Variants in PPFIA2 observed in about 807,000 individuals in gnomAD.
PPFIA2 encodes liprin-alpha-2.
PPFIA2 carries 46 observed loss-of-function variants against 175.5 expected under a neutral mutation model. That is an observed-to-expected ratio of 0.26 (90% CI 0.21 to 0.34). The LOEUF (loss-of-function observed/expected upper bound fraction) is 0.34, where lower values mean the gene tolerates loss of function less well. Ranked by LOEUF, PPFIA2 falls within the 10% of genes least tolerant of loss-of-function variation. The probability of loss-of-function intolerance (pLI) is 1.00; values close to 1 mark genes in which losing one functional copy is unlikely to be tolerated. For synonymous variants in PPFIA2, 568 were observed against 511.4 expected (o/e 1.11, Z -1.49); for missense variants, 1,179 against 1,506.1 (o/e 0.78, Z 3.60).
At chr12:81,731,840 T>C (rs758019223) in intron 3 of PPFIA2, among the ~76,000 whole-genome samples, 1 of 151,636 alleles carries the variant, frequency 6.6e-6, no homozygotes, top group Non-Finnish European at 1.5e-5. Context: ...TTGTTATATA[T>C]GTAAAGTCCT....
intron 4 of PPFIA2, among the ~76,000 whole-genome samples, chr12:81,528,586 G>C (rs2064040440): frequency 6.6e-6 from 1 of 151,964 alleles, no homozygotes; most frequent in African/African-American, 2.4e-5. Flanking sequence ...CTTTATAATT[G>C]TCTATGACCA....
intron 8 of PPFIA2, among the ~76,000 whole-genome samples, chr12:81,391,575 A>G (rs2040129391): frequency 2.0e-5 from 3 of 151,960 alleles, no homozygotes; most frequent in Admixed American, 2.0e-4. Context: ...ATTCAGATAA[A>G]GCCATTCCTA....
At chr12:81,457,335 C>A (rs2053764581) in intron 5 of PPFIA2, among the ~76,000 whole-genome samples, 1 of 150,956 alleles carries the variant, frequency 6.6e-6, no homozygotes, top group Non-Finnish European at 1.5e-5. Context: ...GAGGTGAGAA[C>A]CAAACCCAGG....
intron 7 of PPFIA2, among the ~76,000 whole-genome samples, chr12:81,438,124 G>A (rs994429812): frequency 6.6e-6 from 1 of 152,022 alleles, no homozygotes; most frequent in Non-Finnish European, 1.5e-5. Flanking sequence ...GTTATGGCTG[G>A]GACAAAGAAA....
At chr12:81,616,869 A>G (rs990540791) in intron 4 of PPFIA2, among the ~76,000 whole-genome samples, 3 of 152,180 alleles carry the variant, frequency 2.0e-5, no homozygotes, top group African/African-American at 7.2e-5. Context: ...ATGCAAAATT[A>G]ATATTAATTT....
intron 22 of PPFIA2, chr12:81,312,125 T>G: frequency 6.5e-7 from 1 of 1,530,388 alleles, no homozygotes; most frequent in Non-Finnish European, 8.7e-7. Flanking sequence ...GCGCTGAAAA[T>G]AAACATGTTC....
At chr12:81,401,808 AT>A (rs2042136668) in intron 8 of PPFIA2, among the ~76,000 whole-genome samples, 1 of 152,200 alleles carries the variant, frequency 6.6e-6, no homozygotes, top group Non-Finnish European at 1.5e-5. Flanking sequence ...GGAAAAAGTT[AT>A]TAGAGCCTGG....
intron 22 of PPFIA2, among the ~76,000 whole-genome samples, chr12:81,306,236 G>T (rs897485141): frequency 6.6e-6 from 1 of 151,912 alleles, no homozygotes; most frequent in Non-Finnish European, 1.5e-5. Context: ...AAAAAAATCT[G>T]CCTGGAAGAT....
intron 22 of PPFIA2, among the ~76,000 whole-genome samples, chr12:81,319,515 G>T (rs1396698739): frequency 6.6e-6 from 1 of 151,792 alleles, no homozygotes; most frequent in African/African-American, 2.4e-5. Context: ...AATTTTGAAA[G>T]CATTGGTTTT....
chr12:81,582,569 C>G (rs962937960), intron 4 of PPFIA2, among the ~76,000 whole-genome samples: 2 of 151,814 alleles, frequency 1.3e-5, no homozygotes, highest in Admixed American at 1.3e-4. Context: ...GACTGTCCCT[C>G]TCATCATTAT....
In PPFIA2 at chr12:81,325,856, T is replaced by C. The variant is rs745328136; in HGVS notation, c.2563A>G (p.Thr855Ala). 6.2e-7 allele frequency: 1 copy of C among 1,611,968 alleles called. No homozygotes were observed. The highest frequency in any genetic ancestry group is 8.5e-7 in the Non-Finnish European group (1 of 1,178,378). ...AGGGACTCCTGAGCTGCAGCTTCAG[T>C]CTCCATAAAGCCTCCTGTGAAGAGA... ...RLGQLRGFME[T>A]EAAAQESLGL... Residue 855 changes from threonine (T) to alanine (A), a missense_variant, in exon 22 of 33, where the codon ACT becomes GCT. Thr to Ala is a moderately conservative substitution (Grantham distance 58). Coordinates refer to ENST00000549396, the MANE Select transcript of PPFIA2 (RefSeq NM_003625.5).
intron 4 of PPFIA2, among the ~76,000 whole-genome samples, chr12:81,642,735 A>ATATTATATACATACATGTACG (rs1567688489): frequency 0.14 from 985 of 7,080 alleles, 370 homozygotes; most frequent in Non-Finnish European, 0.16. Flanking sequence ...ATACATGTAT[A>ATATTATATACATACATGTACG]TGTATGTATG....
chr12:81,648,532 C>T (rs984833964), intron 4 of PPFIA2, among the ~76,000 whole-genome samples: 1 of 151,590 alleles, frequency 6.6e-6, no homozygotes, highest in African/African-American at 2.4e-5. Flanking sequence ...ATTCATGGAT[C>T]AGGAGATTAA....
intron 8 of PPFIA2, among the ~76,000 whole-genome samples, chr12:81,398,995 G>A (rs116720408): frequency 2.2e-3 from 328 of 151,930 alleles, no homozygotes; most frequent in African/African-American, 7.6e-3. Context: ...TAAATTTCTG[G>A]GGAGCTTGTG....
At chr12:81,498,815 G>A (rs990571546) in intron 4 of PPFIA2, among the ~76,000 whole-genome samples, 5 of 152,018 alleles carry the variant, frequency 3.3e-5, no homozygotes, top group Non-Finnish European at 7.4e-5. Flanking sequence ...TGTAGAGACG[G>A]GGTTTCACTA....
At chr12:81,689,099 A>AG (rs1262080221) in intron 3 of PPFIA2, among the ~76,000 whole-genome samples, 8 of 142,458 alleles carry the variant, frequency 5.6e-5, no homozygotes, top group Non-Finnish European at 9.0e-5. Context: ...AGATAGAGCT[A>AG]GGGGGAGAGA....
intron 4 of PPFIA2, among the ~76,000 whole-genome samples, chr12:81,645,393 G>T (rs1032849490): frequency 4.0e-5 from 6 of 151,856 alleles, no homozygotes; most frequent in Non-Finnish European, 7.4e-5. Flanking sequence ...TACATGATTT[G>T]CTTACACCAC....
chr12:81,324,479 T>C (rs569595905), intron 22 of PPFIA2, among the ~76,000 whole-genome samples: 1 of 152,076 alleles, frequency 6.6e-6, no homozygotes, highest in Non-Finnish European at 1.5e-5. Context: ...ATAAACTGAG[T>C]CCATTAGTCA....
intron 4 of PPFIA2, among the ~76,000 whole-genome samples, chr12:81,553,384 C>T (rs1215187842): frequency 6.6e-6 from 1 of 152,004 alleles, no homozygotes; most frequent in African/African-American, 2.4e-5. Flanking sequence ...CCTATCTTTG[C>T]ATACTCTTTT....
Sources: allele counts gnomAD v4.1 joint callset (sites outside exome capture counted in the v4.1 genomes callset), GRCh38; gene constraint gnomAD v4.1.1; transcripts MANE v1.5; gene names NCBI Gene and HGNC (gene_info 2026-07-23, HGNC 2026-07-21).